Variants in ARHGAP21 observed in about 807,000 individuals in gnomAD.
The protein encoded by ARHGAP21 is rho GTPase-activating protein 21.
ARHGAP21 carries 38 observed loss-of-function variants against 164.6 expected under a neutral mutation model. The ratio of observed to expected loss-of-function variants is 0.23; its 90% confidence interval spans 0.18 to 0.30. The LOEUF (loss-of-function observed/expected upper bound fraction) is 0.30. Among genes scored for constraint, ARHGAP21 ranks in the 10% least tolerant of loss-of-function variants. The pLI, the probability that ARHGAP21 is intolerant of heterozygous loss-of-function variation, is 1.00. For synonymous variants in ARHGAP21, 766 were observed against 857.9 expected (o/e 0.89, Z 1.87); for missense variants, 1,822 against 2,370.7 (o/e 0.77, Z 4.81).
At chr10:24,596,655 G>T (rs774385043) in intron 17 of ARHGAP21, 85 bp downstream of exon 17, 55 of 1,560,002 alleles carry the variant, frequency 3.5e-5, no homozygotes, top group Non-Finnish European at 4.8e-5. Context: ...AGTCTCTGTT[G>T]TCTGAAAGGC....
At chr10:24,625,297 G>GAGCAAAAAAAAAAAAAAAAAAAAAAAAA (rs1565045749) in intron 7 of ARHGAP21, among the ~76,000 whole-genome samples, 7 of 24,662 alleles carry the variant, frequency 2.8e-4, no homozygotes, top group East Asian at 2.0e-3. Flanking sequence ...AAATGAAACA[G>GAGCAAAAAAAAAAAAAAAAAAAAAAAAA]AGAAAAAAAA....
In ARHGAP21 at chr10:24,600,654, T is replaced by G. The variant is rs2076777905; in HGVS notation, c.3124A>C (p.Asn1042His). 3.1e-6 allele frequency: 5 copies of G among 1,612,794 alleles called. No homozygotes were observed. Among genetic ancestry groups the G allele is most frequent in the Non-Finnish European group, 4.2e-6 (5 of 1,179,012 alleles). Residue 1042 changes from asparagine (N) to histidine (H), a missense_variant, in exon 14 of 26, where the codon AAC becomes CAC. By Grantham distance (68) the Asn-to-His change is moderately conservative. Transcript: ENST00000396432. ...IKTIQESSNL[N>H]EEDTGVTNRD... ...TTCCTTTGAACACCCACCTCTTCGT[T>G]TAGGTTGCTGCTCTCCTGGATCGTC... is the stretch of plus-strand genomic sequence containing the variant.
chr10:24,611,271 T>C (rs560617249), intron 9 of ARHGAP21, among the ~76,000 whole-genome samples: 9 of 152,298 alleles, frequency 5.9e-5, no homozygotes, highest in African/African-American at 2.2e-4. Flanking sequence ...ACATGGACAG[T>C]GAGAAAACTA....
intron 4 of ARHGAP21, among the ~76,000 whole-genome samples, chr10:24,653,563 ACT>A (rs945656481): frequency 3.4e-4 from 51 of 149,384 alleles, no homozygotes; most frequent in African/African-American, 1.2e-3. Flanking sequence ...ACAGAGAGAG[ACT>A]CTGTCTCAAA....
Position 24,681,597 on chromosome 10 carries a change from G to C in ARHGAP21, c.64-11200C>G, listed in dbSNP as rs184089199. On this transcript the variant is annotated intron_variant, in intron 2 of 25. Transcript: ENST00000396432. ...GGTATTGATTCCATCATGTAACTAA[G>C]ATTACAAGCCTAACTCCCATGGACT... 2.0e-3 allele frequency among the ~76,000 whole-genome samples: 302 copies of C among 151,288 alleles called. 3 individuals are homozygous for C. The highest frequency in any genetic ancestry group is 7.1e-3 in the African/African-American group (292 of 41,308).
Position 24,612,959 on chromosome 10 carries a change from C to T in ARHGAP21, c.2423-5056G>A, listed in dbSNP as rs561909781. On this transcript the variant is annotated intron_variant, in intron 9 of 25. Coordinates refer to ENST00000396432, the MANE Select transcript of ARHGAP21 (RefSeq NM_020824.4). ...CTCAATTTAAATCAAAGGAGGTGAA[C>T]GGCTAAAGTTAAATGATCTTATTAA... 4.6e-5 allele frequency among the ~76,000 whole-genome samples: 7 copies of T among 152,216 alleles called. No homozygotes were observed. The South Asian group carries it at 8.3e-4, about 18-fold the overall frequency.
chr10:24,687,787 T>C (rs1186152193), intron 2 of ARHGAP21, among the ~76,000 whole-genome samples: 1 of 152,166 alleles, frequency 6.6e-6, no homozygotes, highest in African/African-American at 2.4e-5. Context: ...CAATCCCCTT[T>C]GAGCAGATAC....
At chr10:24,609,156 A>C (rs1467223412) in intron 9 of ARHGAP21, among the ~76,000 whole-genome samples, 3 of 152,196 alleles carry the variant, frequency 2.0e-5, no homozygotes. Flanking sequence ...ATGCAGTATG[A>C]ATACATCTTT....
At chr10:24,592,519 A>AAAAAACTTGCAGAAGATT (rs1392156373) in intron 21 of ARHGAP21, among the ~76,000 whole-genome samples, 2 of 152,194 alleles carry the variant, frequency 1.3e-5, no homozygotes, top group Non-Finnish European at 2.9e-5. Flanking sequence ...TCAAAGGAAA[A>AAAAAACTTGCAGAAGATT]AAAAACTTGC....
intron 2 of ARHGAP21, among the ~76,000 whole-genome samples, chr10:24,695,660 T>C (rs1843116397): frequency 6.6e-6 from 1 of 151,978 alleles, no homozygotes; most frequent in African/African-American, 2.4e-5. Context: ...TCGCCTACAC[T>C]CTCTCTGGCT....
chr10:24,710,019 T>C (rs900789551), intron 2 of ARHGAP21, among the ~76,000 whole-genome samples: 3 of 152,202 alleles, frequency 2.0e-5, no homozygotes, highest in African/African-American at 4.8e-5. Context: ...TAATGTAATG[T>C]AGATGGTATG....
chr10:24,653,346 G>A (rs191207621), intron 4 of ARHGAP21, among the ~76,000 whole-genome samples: 143 of 152,194 alleles, frequency 9.4e-4, no homozygotes, highest in African/African-American at 3.1e-3. Flanking sequence ...AGGCCAAGGC[G>A]GGTGGATCAT....
At chr10:24,593,436 A>T (rs1296241873) in intron 21 of ARHGAP21, among the ~76,000 whole-genome samples, 2 of 152,218 alleles carry the variant, frequency 1.3e-5, no homozygotes, top group East Asian at 1.9e-4. Flanking sequence ...ACTCTTGACT[A>T]TGATTTATGT....
chr10:24,633,113 T>C (rs1836000264), intron 6 of ARHGAP21, among the ~76,000 whole-genome samples: 2 of 152,190 alleles, frequency 1.3e-5, no homozygotes, highest in Admixed American at 1.3e-4. Flanking sequence ...AAATTATACA[T>C]TTGTCACTTC....
intron 4 of ARHGAP21, among the ~76,000 whole-genome samples, chr10:24,662,361 C>G (rs1839790314): frequency 6.6e-6 from 1 of 152,158 alleles, no homozygotes; most frequent in Non-Finnish European, 1.5e-5. Flanking sequence ...GAGTTAGACA[C>G]AACTGATTTG....
chr10:24,607,365 A>T, intron 11 of ARHGAP21, 134 bp downstream of exon 11: 1 of 742,482 alleles, frequency 1.3e-6, no homozygotes, highest in Non-Finnish European at 2.2e-6. Context: ...TACCATTAAC[A>T]ACTTTATTTA....
intron 9 of ARHGAP21, among the ~76,000 whole-genome samples, chr10:24,615,977 T>A (rs1833907780): frequency 6.6e-6 from 1 of 152,034 alleles, no homozygotes; most frequent in African/African-American, 2.4e-5. Flanking sequence ...GGAGTTTCAC[T>A]GTGTTGGCCA....
chr10:24,714,560 T>G (rs1007388189), intron 2 of ARHGAP21, among the ~76,000 whole-genome samples: 1 of 152,224 alleles, frequency 6.6e-6, no homozygotes, highest in African/African-American at 2.4e-5. Flanking sequence ...TTCTCAATTC[T>G]AACAGGTTTT....
intron 2 of ARHGAP21, among the ~76,000 whole-genome samples, chr10:24,679,305 T>C (rs1275208574): frequency 1.3e-5 from 2 of 152,216 alleles, no homozygotes; most frequent in East Asian, 1.9e-4. Context: ...ACTTCCTAAA[T>C]AGGCCGCACA....
Sources: gnomAD v4.1 joint callset for allele counts (sites outside exome capture counted in the v4.1 genomes callset) on GRCh38, gnomAD v4.1.1 for gene constraint, MANE v1.5 for transcripts, NCBI Gene and HGNC (gene_info 2026-07-23, HGNC 2026-07-21) for gene names.